The following TMPO variants were observed in gnomAD, a reference collection of about 807,000 sequenced individuals.
The protein encoded by TMPO is thymopoietin.
TMPO carries 22 observed loss-of-function variants against 45.4 expected under a neutral mutation model. That is an observed-to-expected ratio of 0.48 (90% CI 0.35 to 0.69). TMPO has a LOEUF of 0.69. Among genes scored for constraint, TMPO ranks in the 30% least tolerant of loss-of-function variants. TMPO has a pLI of 0.01. For synonymous variants in TMPO, 241 were observed against 204.1 expected, an observed-to-expected ratio of 1.18 and a Z score of -1.54; for missense variants, 512 against 548.8, an observed-to-expected ratio of 0.93 and a Z score of 0.67.
intron 3 of TMPO, chr12:98,535,399 T>C: frequency 1.0e-6 from 1 of 985,418 alleles, no homozygotes; most frequent in Non-Finnish European, 1.2e-6. Flanking sequence ...AGAGGTATTG[T>C]GGAAAGTAGT....
rs1007045509 is a variant in TMPO, at chr12:98,534,587, A to G, written c.565+2749A>G. ...TTTCTAGATCACATATTAGTCTCTA[A>G]GTTGTTTTCTGTTTCCTGCTTTACT... is the stretch of plus-strand genomic sequence containing the variant. On this transcript the variant is annotated intron_variant, in intron 3 of 8. Coordinates refer to ENST00000556029, the MANE Select transcript of TMPO (RefSeq NM_001032283.3). 15 of 1,273,176 alleles carry G rather than the reference A, an allele frequency of 1.2e-5. No homozygotes were observed. The African/African-American group carries it at 2.0e-4, about 17-fold the overall frequency. 78.9% of individuals were successfully genotyped at this position (1,273,176 alleles called of 1,614,324 possible).
intron 3 of TMPO, chr12:98,533,675 G>A (rs1306267883): frequency 6.2e-7 from 1 of 1,614,020 alleles, no homozygotes; most frequent in Non-Finnish European, 8.5e-7. Flanking sequence ...ACTACCTTAG[G>A]TCTAGAAGTG....
chr12:98,536,444 C>T (rs902548020), intron 3 of TMPO, among the ~76,000 whole-genome samples: 1 of 152,012 alleles, frequency 6.6e-6, no homozygotes, highest in Non-Finnish European at 1.5e-5. Context: ...ACCTCCGCCT[C>T]CCAGGTTCAA....
intron 1 of TMPO, among the ~76,000 whole-genome samples, chr12:98,521,613 C>G (rs1876373099): frequency 6.6e-6 from 1 of 152,078 alleles, no homozygotes; most frequent in Non-Finnish European, 1.5e-5. Flanking sequence ...ATTGTGGACA[C>G]AAAAATAAAC....
chr12:98,547,599 G>A lies in TMPO; in HGVS notation c.1106G>A (p.Gly369Glu), dbSNP rs1299095831. The A allele has an allele frequency of 6.2e-7, 1 of 1,614,126 alleles. No individual in the cohort carries two copies. The highest frequency in any genetic ancestry group is 8.5e-7 in the Non-Finnish European group (1 of 1,180,028). The change falls in exon 9 of 9, where the codon GGG (glycine) becomes GAG (glutamate). Residue 369 changes from glycine (G) to glutamate (E), a missense_variant. Physicochemically the swap from Gly to Glu is moderately conservative, Grantham distance 98. This residue lies in a region of TMPO where 209 missense variants were observed against 235.1 expected (regional missense o/e 0.89). Coordinates refer to ENST00000556029, the MANE Select transcript of TMPO (RefSeq NM_001032283.3). Reference protein sequence around the residue: ...ISASCRRPIKGAAGRPLELSD... With the variant: ...ISASCRRPIKEAAGRPLELSD... ...GCTAGTTGCCGCAGACCAATCAAAG[G>A]GGCTGCAGGCCGGCCATTAGAACTC...
rs568211593 is a variant in TMPO, at chr12:98,548,632, C to G, written c.*774C>G. 1 of 152,264 alleles carries G rather than the reference C, an allele frequency of 6.6e-6. No homozygotes were observed. Among genetic ancestry groups the G allele is most frequent in the Middle Eastern group, 3.4e-3 (1 of 294 alleles). The allele number at this position is 152,264 out of a possible 1,614,324, so 9.4% of individuals were successfully genotyped here. A position where few individuals can be genotyped will look rare whatever the true frequency, so the allele number is the denominator to read the frequency against. ...GGAAATTTGTATTTTTTATTTACAG[C>G]AAAACATTTATTCAGTCATCCAGTT... is the stretch of plus-strand genomic sequence containing the variant. On this transcript the variant is annotated 3_prime_UTR_variant, in exon 9 of 9. Transcript: ENST00000556029.
In TMPO at chr12:98,515,842, G is replaced by A. The variant is rs1295335392; in HGVS notation, c.-26G>A. On this transcript the variant is annotated 5_prime_UTR_variant, in exon 1 of 9. Transcript: ENST00000556029. ...GTGAGCGGCGGCGGCAAAGGCTGTG[G>A]GGAGGGGGCTTCGCAGATCCCCGAG... 1 of 1,601,632 alleles carries A rather than the reference G, an allele frequency of 6.2e-7. No homozygotes were observed. The highest frequency in any genetic ancestry group is 8.5e-7 in the Non-Finnish European group (1 of 1,174,756).
rs768595651 is a variant in TMPO, at chr12:98,544,286, C to T, written c.720C>T (p.Gly240=). The change falls in exon 5 of 9, where the codon GGC becomes GGT. Residue 240 remains glycine, a synonymous_variant. Transcript: ENST00000556029. The part of the protein sequence containing the change: ...ETEWTSGSSK[G]GPLQALTRES... The stretch of plus-strand genomic sequence containing the variant: ...AATGGACAAGTGGATCTTCAAAAGG[C>T]GGACCTCTGCAGGCATTAACTAGGG... 7 of 1,613,806 alleles carry T rather than the reference C, an allele frequency of 4.3e-6. No individual in the cohort carries two copies. The highest frequency in any genetic ancestry group is 2.2e-5 in the East Asian group (1 of 44,844).
intron 1 of TMPO, 193 bp downstream of exon 1, chr12:98,516,339 C>T: frequency 3.3e-6 from 4 of 1,220,244 alleles, no homozygotes; most frequent in Non-Finnish European, 4.1e-6. Context: ...AAGTTGGGGC[C>T]GCGGGGTTCG....
At chr12:98,537,428 T>A (rs1877639014) in intron 3 of TMPO, 47 bp from the exon 4 acceptor site, 1 of 1,447,966 alleles carries the variant, frequency 6.9e-7, no homozygotes, top group Non-Finnish European at 9.7e-7. Context: ...ACATCATCAT[T>A]TATTGAGTGT....
rs868531481 is a variant in TMPO, at chr12:98,548,181, G to A, written c.*323G>A. 12 of 235,952 alleles carry A rather than the reference G, an allele frequency of 5.1e-5. No individual in the cohort carries two copies. Among genetic ancestry groups the A allele is most frequent in the Non-Finnish European group, 8.3e-5 (10 of 120,754 alleles). 14.6% of individuals were successfully genotyped at this position (235,952 alleles called of 1,614,324 possible). A position where few individuals can be genotyped will look rare whatever the true frequency, so the allele number is the denominator to read the frequency against. ...TATGTTTTTTGTGTATTTGGGAAAC[G>A]AAGGGTGAAACATGGTAGTATAATG... On this transcript the variant is annotated 3_prime_UTR_variant, in exon 9 of 9. Coordinates refer to ENST00000556029, the MANE Select transcript of TMPO (RefSeq NM_001032283.3).
chr12:98,537,377 T>C lies in TMPO; in HGVS notation c.566-98T>C. 11 of 986,910 alleles carry C rather than the reference T, an allele frequency of 1.1e-5. 1 individual carries two copies. The highest frequency in any genetic ancestry group is 1.7e-5 in the Non-Finnish European group (11 of 650,502). 61.1% of individuals were successfully genotyped at this position (986,910 alleles called of 1,614,324 possible). ...ACCAGTAGACTTGTTTTTCACCTTT[T>C]AATGTGCCTAAAACCAGGGTTCCCG... is the stretch of plus-strand genomic sequence containing the variant. On this transcript the variant is annotated intron_variant, in intron 3 of 8. Coordinates refer to ENST00000556029, the MANE Select transcript of TMPO (RefSeq NM_001032283.3).
chr12:98,535,085 C>A, intron 3 of TMPO: 1 of 934,980 alleles, frequency 1.1e-6, no homozygotes, highest in Non-Finnish European at 1.3e-6. Context: ...GCAACCAATT[C>A]ATGGACCAGT....
chr12:98,520,393 C>T (rs1047570235), intron 1 of TMPO, among the ~76,000 whole-genome samples: 1 of 151,598 alleles, frequency 6.6e-6, no homozygotes, highest in African/African-American at 2.4e-5. Flanking sequence ...ACCTCTGCCT[C>T]CCAAATTCAA....
chr12:98,532,490 ATATTTT>A (rs1387155465), intron 3 of TMPO, among the ~76,000 whole-genome samples: 5 of 95,324 alleles, frequency 5.2e-5, no homozygotes, highest in Non-Finnish European at 1.2e-4. Flanking sequence ...TATTTTGACT[ATATTTT>A]TAGTAGACTG....
rs746773303 is a variant in TMPO at position 98,515,991 on chromosome 12, C to T, written c.124C>T (p.Leu42=). ...CAAAGACGTGTACGTCCAGCTCTACCTGCAGCACCTCACGGCTCGCAACCG... is the reference window on the plus strand; with the variant it reads ...CAAAGACGTGTACGTCCAGCTCTACTTGCAGCACCTCACGGCTCGCAACCG... ...QRKDVYVQLY[L]QHLTARNRPP... Residue 42 remains leucine (L), a synonymous_variant, in exon 1 of 9, where the codon CTG becomes TTG. Transcript: ENST00000556029. The T allele has an allele frequency of 1.9e-6, 3 of 1,612,466 alleles. No individual in the cohort carries two copies. The highest frequency in any genetic ancestry group is 2.2e-5 in the East Asian group (1 of 44,868).
chr12:98,533,584 G>A, intron 3 of TMPO: 1 of 1,614,166 alleles, frequency 6.2e-7, no homozygotes, highest in Non-Finnish European at 8.5e-7. Context: ...AAGGGATTCA[G>A]GTTCCTTTGT....
In TMPO at chr12:98,533,166, G is replaced by T. The variant is rs369208265; in HGVS notation, c.565+1328G>T. On this transcript the variant is annotated intron_variant, in intron 3 of 8. Transcript: ENST00000556029. ...CTTCTCAGCCTGAACACAGTGCCAT[G>T]TTGGTCTCTACTGCAGCTTCTCCTT... 5.0e-5 allele frequency: 80 copies of T among 1,614,018 alleles called. No homozygotes were observed. The highest frequency in any genetic ancestry group is 6.1e-5 in the Non-Finnish European group (72 of 1,180,032).
At chr12:98,547,098 C>T (rs1169007250) in intron 8 of TMPO, among the ~76,000 whole-genome samples, 5 of 130,314 alleles carry the variant, frequency 3.8e-5, no homozygotes, top group African/African-American at 9.0e-5. Flanking sequence ...TTTTTTGAGA[C>T]GGAGTTTTGC....
Sources: gnomAD v4.1 joint callset for allele counts (sites outside exome capture counted in the v4.1 genomes callset) on GRCh38, gnomAD v4.1.1 for gene constraint, gnomAD v4.1.1 regional missense constraint, MANE v1.5 for transcripts, NCBI Gene and HGNC (gene_info 2026-07-23, HGNC 2026-07-21) for gene names.